HYAL1: variants seen among roughly 807,000 people sequenced by gnomAD.
HYAL1 encodes hyaluronidase 1, also known as hyaluronidase-1.
A neutral mutation model predicts 28.8 loss-of-function variants in HYAL1; 21 were observed. The observed-to-expected ratio is 0.73, with a 90% CI of 0.52 to 1.05. The LOEUF is 1.05. Among genes scored for constraint, HYAL1 ranks in the 50% least tolerant of loss-of-function variants. The pLI is 0.00. For missense variants in HYAL1, 491 were observed against 579.2 expected, an observed-to-expected ratio of 0.85 and a Z score of 1.56; for synonymous variants, 200 against 230.1, an observed-to-expected ratio of 0.87 and a Z score of 1.18.
chr3:50,300,951 TCCCCCA>T, intron 3 of HYAL1, 31 bp downstream of exon 3: 7 of 274,928 alleles, frequency 2.5e-5, no homozygotes, highest in Non-Finnish European at 4.5e-5. Flanking sequence ...GCCCCACCCC[TCCCCCA>T]CCCCCACCCT....
At chr3:50,304,310 T>A (rs868916117), upstream of HYAL1, among the ~76,000 whole-genome samples, 909 of 54,242 alleles carry the variant, frequency 0.017, 20 homozygotes, top group African/African-American at 0.039. Flanking sequence ...TATATATATA[T>A]ATATATATAT....
Position 50,302,843 on chromosome 3 carries a change from T to C in HYAL1, c.114A>G (p.Ala38=). ...PNRPFTTVWN[A]NTQWCLERHG... ...GCCTCTCCAGGCACCACTGGGTGTT[T>C]GCATTCCAGACGGTGGTGAAGGGCC... Residue 38 remains alanine (A), a synonymous_variant, in exon 2 of 4, where the codon GCA becomes GCG. Transcript: ENST00000395144. The surrounding 1 kb of genome is among the most constrained non-coding windows in gnomAD (Gnocchi z 5.0). The C allele has an allele frequency of 6.2e-7, 1 of 1,614,058 alleles. No homozygotes were observed. The highest frequency in any genetic ancestry group is 8.5e-7 in the Non-Finnish European group (1 of 1,180,012).
At chr3:50,308,141 C>T (rs1702374701), upstream of HYAL1, among the ~76,000 whole-genome samples, 1 of 149,650 alleles carries the variant, frequency 6.7e-6, no homozygotes, top group South Asian at 2.1e-4. Flanking sequence ...ATACTTTTTT[C>T]TTCAGGGTAG....
At position 50,299,931 on chromosome 3, in the gene HYAL1, C is replaced by T. The variant is rs1046401410; in HGVS notation, c.*552G>A. 5.4e-6 allele frequency: 1 copy of T among 185,714 alleles called. No individual in the cohort carries two copies. Among genetic ancestry groups the T allele is most frequent in the Non-Finnish European group, 1.2e-5 (1 of 86,322 alleles). The allele number at this position is 185,714 out of a possible 1,614,324, so 11.5% of individuals were successfully genotyped here. A position where few individuals can be genotyped will look rare whatever the true frequency, so the allele number is the denominator to read the frequency against. On this transcript the variant is annotated 3_prime_UTR_variant, in exon 4 of 4. Coordinates refer to ENST00000395144, the MANE Select transcript of HYAL1 (RefSeq NM_033159.4). ...CTTTATTTGCTGGACTGGTGCCTCTCAGCAGATTCAGGGGTCGTGCAGGGC... is the reference window on the plus strand; with the variant it reads ...CTTTATTTGCTGGACTGGTGCCTCTTAGCAGATTCAGGGGTCGTGCAGGGC...
At chr3:50,307,067 T>TAA (rs782101506), upstream of HYAL1, among the ~76,000 whole-genome samples, 8 of 115,768 alleles carry the variant, frequency 6.9e-5, no homozygotes, top group Non-Finnish European at 1.1e-4. Flanking sequence ...AAGACTCTGC[T>TAA]AAAAAAAAAA....
intron 1 of HYAL1, among the ~76,000 whole-genome samples, chr3:50,310,439 T>G (rs1194650909): frequency 6.6e-6 from 1 of 150,384 alleles, no homozygotes; most frequent in African/African-American, 2.5e-5. Flanking sequence ...ATTTTTTTTT[T>G]GTATTTTTAA....
In HYAL1 at chr3:50,302,987, A is replaced by T; in HGVS notation, c.-24-7T>A. The stretch of plus-strand genomic sequence containing the variant: ...GGGACTGGTCGAGGACAACCTGGCC[A>T]GGGGAGGCAGAGCTGAGAACAGGTT... On this transcript the variant is annotated splice_region_variant and splice_polypyrimidine_tract_variant and intron_variant, in intron 1 of 3. Transcript: ENST00000395144. This position sits in a 1 kb window ranked among gnomAD's most constrained non-coding sequence, Gnocchi z 5.0. 4 of 1,532,382 alleles carry T rather than the reference A, an allele frequency of 2.6e-6. No homozygotes were observed. Among genetic ancestry groups the T allele is most frequent in the Non-Finnish European group, 3.5e-6 (4 of 1,138,740 alleles). The allele number at this position is 1,532,382 out of a possible 1,614,324, so 94.9% of individuals were successfully genotyped here. A position where few individuals can be genotyped will look rare whatever the true frequency, so the allele number is the denominator to read the frequency against.
chr3:50,311,738 C>T (rs1211398258), intron 1 of HYAL1, among the ~76,000 whole-genome samples: 1 of 146,200 alleles, frequency 6.8e-6, no homozygotes, highest in Non-Finnish European at 1.5e-5. Context: ...CCACCTCCCT[C>T]ACGGACGGGG....
At chr3:50,300,866 A>G in intron 3 of HYAL1, 66 bp from the exon 4 acceptor site, 1 of 1,564,388 alleles carries the variant, frequency 6.4e-7, no homozygotes, top group Non-Finnish European at 8.8e-7. Context: ...CAGGGCACTG[A>G]GGCACTCACC....
chr3:50,303,596 G>C (rs1702261675), upstream of HYAL1: 1 of 152,396 alleles, frequency 6.6e-6, no homozygotes, highest in African/African-American at 2.4e-5. Context: ...GAAATTCTGA[G>C]CTTTTGTAGG....
intron 1 of HYAL1, among the ~76,000 whole-genome samples, chr3:50,311,394 G>A (rs1449270087): frequency 1.4e-5 from 2 of 144,028 alleles, no homozygotes; most frequent in Non-Finnish European, 3.1e-5. Context: ...GGGCGGCCGG[G>A]CAGAGGCGCC....
chr3:50,309,341 G>A (rs746842654), intron 2 of HYAL1, among the ~76,000 whole-genome samples: 59 of 149,766 alleles, frequency 3.9e-4, no homozygotes, highest in Non-Finnish European at 6.2e-4. Context: ...GCACATGCCT[G>A]TAATCCCAGC....
chr3:50,307,567 G>T (rs1392326531), upstream of HYAL1, among the ~76,000 whole-genome samples: 1 of 141,184 alleles, frequency 7.1e-6, no homozygotes, highest in African/African-American at 2.8e-5. Context: ...TGTAGTCCCA[G>T]CTACTCGGGA....
chr3:50,305,576 C>T (rs1702322425), upstream of HYAL1, among the ~76,000 whole-genome samples: 1 of 146,756 alleles, frequency 6.8e-6, no homozygotes, highest in East Asian at 2.0e-4. Context: ...CACTCTGTCG[C>T]CCAGGCTGGA....
chr3:50,307,443 G>C (rs1270531488), upstream of HYAL1, among the ~76,000 whole-genome samples: 1 of 150,740 alleles, frequency 6.6e-6, no homozygotes, highest in African/African-American at 2.5e-5. Flanking sequence ...CACTTTGGGA[G>C]GCCGAGGCGG....
At chr3:50,312,012 G>A (rs1334836132) in intron 1 of HYAL1, among the ~76,000 whole-genome samples, 1 of 141,196 alleles carries the variant, frequency 7.1e-6, no homozygotes, top group African/African-American at 2.6e-5. Flanking sequence ...GGCTGGCCGG[G>A]TGGGAGGCTG....
In HYAL1 at chr3:50,302,604, G is replaced by C; in HGVS notation, c.353C>G (p.Pro118Arg). 8 of 1,614,208 alleles carry C rather than the reference G, an allele frequency of 5.0e-6. No homozygotes were observed. The highest frequency in any genetic ancestry group is 6.8e-6 in the Non-Finnish European group (8 of 1,180,040). Residue 118 changes from proline to arginine, a missense_variant, in exon 2 of 4, where the codon CCT becomes CGT. By Grantham distance (103) the Pro-to-Arg change is moderately radical. Coordinates refer to ENST00000395144, the MANE Select transcript of HYAL1 (RefSeq NM_033159.4). This position sits in a 1 kb window ranked among gnomAD's most constrained non-coding sequence, Gnocchi z 5.0. The stretch of plus-strand genomic sequence containing the variant: ...TGCCAGCCCTGAGAAGTCAGGAGCA[G>C]GTATGGCAGCCAGGATGTCCTGGAA... Reference protein sequence around the residue: ...RTFQDILAAIPAPDFSGLAVI... With the variant: ...RTFQDILAAIRAPDFSGLAVI...
At chr3:50,307,680 G>GA (rs1160592800), upstream of HYAL1, among the ~76,000 whole-genome samples, 1,317 of 23,712 alleles carry the variant, frequency 0.056, 12 homozygotes, top group East Asian at 0.15. Flanking sequence ...GACTCCATCT[G>GA]AAAAAAAAAA....
intron 1 of HYAL1, among the ~76,000 whole-genome samples, chr3:50,311,434 G>T (rs1423332423): frequency 7.1e-6 from 1 of 140,474 alleles, no homozygotes; most frequent in Non-Finnish European, 1.5e-5. Flanking sequence ...CGGCTGGCCA[G>T]GCGGGGGGCT....
Sources: gnomAD v4.1 joint callset for allele counts (sites outside exome capture counted in the v4.1 genomes callset) on GRCh38, gnomAD v4.1.1 for gene constraint, Gnocchi (gnomAD v3.1) non-coding constraint, MANE v1.5 for transcripts, NCBI Gene and HGNC (gene_info 2026-07-23, HGNC 2026-07-21) for gene names.